Variants in NOL4L observed in about 807,000 individuals in gnomAD.
The protein encoded by NOL4L is nucleolar protein 4-like.
NOL4L carries 7 observed loss-of-function variants against 64.5 expected under a neutral mutation model. That is an observed-to-expected ratio of 0.11 (90% CI 0.06 to 0.20). The LOEUF (loss-of-function observed/expected upper bound fraction) is 0.20. Among genes scored for constraint, NOL4L ranks in the 10% least tolerant of loss-of-function variants. NOL4L has a pLI of 1.00. For missense variants in NOL4L, 680 were observed against 967.1 expected (o/e 0.70, Z 3.94); for synonymous variants, 413 against 401.0 (o/e 1.03, Z -0.36).
At chr20:32,457,841 G>A (rs1490690366) in intron 5 of NOL4L, among the ~76,000 whole-genome samples, 1 of 152,120 alleles carries the variant, frequency 6.6e-6, no homozygotes, top group Non-Finnish European at 1.5e-5. Flanking sequence ...CCCGGCCCGC[G>A]CTGGCTGTCC....
chr20:32,569,907 A>G (rs756991568), intron 1 of NOL4L, among the ~76,000 whole-genome samples: 34 of 152,312 alleles, frequency 2.2e-4, no homozygotes, highest in South Asian at 2.1e-4. Context: ...GAACAAATCA[A>G]TGAATGAATG....
chr20:32,559,988 G>A (rs1176853653), intron 1 of NOL4L, among the ~76,000 whole-genome samples: 1 of 152,222 alleles, frequency 6.6e-6, no homozygotes, highest in Non-Finnish European at 1.5e-5. Context: ...AGGCGGCGGT[G>A]TGCCCGGCCC....
intron 3 of NOL4L, among the ~76,000 whole-genome samples, chr20:32,517,191 A>C (rs1419817678): frequency 6.6e-6 from 1 of 152,008 alleles, no homozygotes; most frequent in Non-Finnish European, 1.5e-5. Flanking sequence ...AAAGGAGGCC[A>C]CTCTACTTCC....
intron 4 of NOL4L, among the ~76,000 whole-genome samples, chr20:32,492,888 C>T (rs1418067550): frequency 6.6e-6 from 1 of 152,166 alleles, no homozygotes; most frequent in African/African-American, 2.4e-5. Flanking sequence ...CTGTGCTGGA[C>T]CAAGATGTGT....
intron 1 of NOL4L, among the ~76,000 whole-genome samples, chr20:32,549,731 G>A (rs771976837): frequency 9.9e-5 from 15 of 152,124 alleles, no homozygotes; most frequent in East Asian, 5.8e-4. Flanking sequence ...CTAGCCTGGC[G>A]ACAGAGCAAG....
At chr20:32,482,836 C>A (rs963470140) in intron 4 of NOL4L, among the ~76,000 whole-genome samples, 2 of 150,300 alleles carry the variant, frequency 1.3e-5, no homozygotes, top group Non-Finnish European at 3.0e-5. Flanking sequence ...TCCCCAAACA[C>A]AGTCCACTTC....
At chr20:32,455,262 G>GC (rs1393360272) in intron 6 of NOL4L, among the ~76,000 whole-genome samples, 12 of 152,212 alleles carry the variant, frequency 7.9e-5, no homozygotes, top group Admixed American at 7.8e-4. Flanking sequence ...TGGAACAGCA[G>GC]CTATGCCTGT....
intron 4 of NOL4L, among the ~76,000 whole-genome samples, chr20:32,498,142 C>G (rs1376855199): frequency 6.6e-6 from 1 of 152,214 alleles, no homozygotes; most frequent in Non-Finnish European, 1.5e-5. Flanking sequence ...TATCTGCCAA[C>G]CCCACCAGAC....
At chr20:32,558,007 C>G (rs945010860) in intron 1 of NOL4L, among the ~76,000 whole-genome samples, 1 of 152,236 alleles carries the variant, frequency 6.6e-6, no homozygotes, top group Non-Finnish European at 1.5e-5. Context: ...GAGCTGTGAT[C>G]ATGCCACTGA....
chr20:32,552,457 C>T (rs1038699227), intron 1 of NOL4L, among the ~76,000 whole-genome samples: 7 of 152,064 alleles, frequency 4.6e-5, no homozygotes, highest in African/African-American at 1.2e-4. Flanking sequence ...GAGGCCAAGG[C>T]GGGCGGATGA....
At chr20:32,478,279 T>C (rs74651974) in intron 4 of NOL4L, among the ~76,000 whole-genome samples, 1 of 141,642 alleles carries the variant, frequency 7.1e-6, no homozygotes, top group African/African-American at 2.8e-5. Context: ...ACACACTCTC[T>C]CTCTCTCTCT....
At chr20:32,465,096 A>G in intron 5 of NOL4L, 1 of 556,724 alleles carries the variant, frequency 1.8e-6, no homozygotes, top group Non-Finnish European at 3.3e-6. Flanking sequence ...GCCTTGGGAC[A>G]GGTGGCTCAA....
chr20:32,450,591 G>T (rs1047059830), intron 10 of NOL4L, among the ~76,000 whole-genome samples: 4 of 152,180 alleles, frequency 2.6e-5, no homozygotes, highest in African/African-American at 9.7e-5. Flanking sequence ...GAACGGGCAG[G>T]CATGAAGCAG....
intron 1 of NOL4L, among the ~76,000 whole-genome samples, chr20:32,583,241 G>T (rs935387881): frequency 6.6e-6 from 1 of 151,578 alleles, no homozygotes; most frequent in African/African-American, 2.4e-5. Flanking sequence ...CCTGGGCGCG[G>T]GGGGAGGCGC....
chr20:32,531,023 G>A (rs6087393), intron 1 of NOL4L, among the ~76,000 whole-genome samples: 2,298 of 152,212 alleles, frequency 0.015, 45 homozygotes, highest in Non-Finnish European at 0.02. Flanking sequence ...AGGATATCAT[G>A]GGGGTAGTTC....
In NOL4L at chr20:32,456,228, C is replaced by A; in HGVS notation, c.1009G>T (p.Asp337Tyr). Reference protein sequence around the residue: ...AAEDQPINLCDKLPPATALGT... With the variant: ...AAEDQPINLCYKLPPATALGT... ...AGTGCCGTGGCCGGCGGGAGCTTGT[C>A]ACACAGGTTGATGGGCTGATCCTCG... is the stretch of plus-strand genomic sequence containing the variant. The change falls in exon 6 of 11, where the codon GAC (aspartate) becomes TAC (tyrosine). Residue 337 changes from aspartate to tyrosine, a missense_variant. Physicochemically the swap from Asp to Tyr is radical, Grantham distance 160. Coordinates refer to ENST00000621426, the MANE Select transcript of NOL4L (RefSeq NM_001256798.2). 1 of 1,608,892 alleles carries A rather than the reference C, an allele frequency of 6.2e-7. No homozygotes were observed. The highest frequency in any genetic ancestry group is 2.3e-5 in the East Asian group (1 of 44,336).
At position 32,460,145 on chromosome 20, in the gene NOL4L, A is replaced by T. The variant is rs1600658686; in HGVS notation, c.842-3750T>A. ...TGTTGGGGGATGAACAAGCTGTGGA[A>T]ATAACAGTGCTTCTGGAGTGTACAC... On this transcript the variant is annotated intron_variant, in intron 5 of 10. Transcript: ENST00000621426. This position sits in a 1 kb window ranked among gnomAD's most constrained non-coding sequence, Gnocchi z 5.7. 1.3e-5 allele frequency among the ~76,000 whole-genome samples: 2 copies of T among 152,210 alleles called. No homozygotes were observed. Among genetic ancestry groups the T allele is most frequent in the Admixed American group, 1.3e-4 (2 of 15,278 alleles).
At chr20:32,485,085 A>AAAAAAAAAAAAAAC (rs1568643237) in intron 4 of NOL4L, among the ~76,000 whole-genome samples, 6 of 144,412 alleles carry the variant, frequency 4.2e-5, no homozygotes, top group East Asian at 4.2e-4. Context: ...AAAAAAAAAA[A>AAAAAAAAAAAAAAC]AACAACTAAA....
At chr20:32,452,692 TGAGGTCTGAG>T (rs1490128065) in intron 9 of NOL4L, among the ~76,000 whole-genome samples, 182 bp downstream of exon 9, 5 of 152,208 alleles carry the variant, frequency 3.3e-5, no homozygotes, top group African/African-American at 1.2e-4. Context: ...GGCTTCCGTA[TGAGGTCTGAG>T]GAGCTCTGAG....
Sources: gnomAD v4.1 joint callset for allele counts (sites outside exome capture counted in the v4.1 genomes callset) on GRCh38, gnomAD v4.1.1 for gene constraint, Gnocchi (gnomAD v3.1) non-coding constraint, MANE v1.5 for transcripts, NCBI Gene and HGNC (gene_info 2026-07-23, HGNC 2026-07-21) for gene names.